The following LRRC7 variants were observed in gnomAD, a reference collection of about 807,000 sequenced individuals.
LRRC7 encodes leucine-rich repeat-containing protein 7.
Under a neutral mutation model 175.7 loss-of-function variants are expected in LRRC7, and 23 were observed. That is an observed-to-expected ratio of 0.13 (90% CI 0.09 to 0.19). The LOEUF (loss-of-function observed/expected upper bound fraction) is 0.19, where lower values mean the gene tolerates loss of function less well. LRRC7 is among the 10% of genes least tolerant of loss of function. The pLI is 1.00. For synonymous variants in LRRC7, 685 were observed against 680.9 expected (o/e 1.01, Z -0.09); for missense variants, 1,354 against 1,904.7 (o/e 0.71, Z 5.38).
At position 69,940,674 on chromosome 1, in the gene LRRC7, G is replaced by A. The variant is rs143367044; in HGVS notation, c.711+9104G>A. 8.1e-3 allele frequency among the ~76,000 whole-genome samples: 1,232 copies of A among 152,066 alleles called. 14 individuals are homozygous for A. Among genetic ancestry groups the A allele is most frequent in the African/African-American group, 0.027 (1,128 of 41,488 alleles). On this transcript the variant is annotated intron_variant, in intron 8 of 26. Transcript: ENST00000651989. The stretch of plus-strand genomic sequence containing the variant: ...TTTACAAGGAAAATAAAAGTATTCT[G>A]CAAGCAAGGAGTAAACCCTATATAT...
In LRRC7 at chr1:69,578,128, G is replaced by A. The variant is rs201780537; in HGVS notation, c.2+9487G>A. Among the ~76,000 whole-genome samples the A allele has an allele frequency of 2.7e-3, 412 of 152,122 alleles. 8 individuals are homozygous for A. In the East Asian group the frequency reaches 0.053, roughly 20 times the overall value. ...CAAACAACCCCATCAAAAAGGGGGC[G>A]AAGGACATGAACAGACACTTCTCAA... On this transcript the variant is annotated intron_variant, in intron 1 of 26. Coordinates refer to ENST00000651989, the MANE Select transcript of LRRC7 (RefSeq NM_001370785.2).
intron 16 of LRRC7, among the ~76,000 whole-genome samples, chr1:70,022,788 G>C (rs1334847186): frequency 6.6e-6 from 1 of 152,044 alleles, no homozygotes; most frequent in Non-Finnish European, 1.5e-5. Flanking sequence ...TTCATTACAT[G>C]TACATTAAAT....
intron 7 of LRRC7, among the ~76,000 whole-genome samples, chr1:69,875,580 A>T (rs1281131975): frequency 6.6e-6 from 1 of 152,046 alleles, no homozygotes; most frequent in Non-Finnish European, 1.5e-5. Context: ...ATCATAAGTG[A>T]TTGTAAATTC....
intron 3 of LRRC7, among the ~76,000 whole-genome samples, chr1:69,773,447 C>T (rs777947851): frequency 1.1e-4 from 16 of 151,928 alleles, no homozygotes; most frequent in Non-Finnish European, 2.2e-4. Context: ...GCTGAAAGGA[C>T]GGGAAGTGAC....
At position 69,838,135 on chromosome 1, in the gene LRRC7, G is replaced by A. The variant is rs1681324464; in HGVS notation, c.591-92G>A. 2.5e-5 allele frequency: 19 copies of A among 745,106 alleles called. No homozygotes were observed. In the East Asian group the frequency reaches 2.7e-4, roughly 11 times the overall value. 46.2% of individuals were successfully genotyped at this position (745,106 alleles called of 1,614,324 possible). A position where few individuals can be genotyped will look rare whatever the true frequency, so the allele number is the denominator to read the frequency against. On this transcript the variant is annotated intron_variant, in intron 6 of 26. Transcript: ENST00000651989. ...TAAATATACATTATTGTTAACCATA[G>A]TAACCCTATAGTGCTACCAAATACT...
At chr1:69,608,696 A>G (rs879791370) in intron 1 of LRRC7, among the ~76,000 whole-genome samples, 2 of 151,728 alleles carry the variant, frequency 1.3e-5, no homozygotes, top group Non-Finnish European at 2.9e-5. Flanking sequence ...TGATTGACAT[A>G]CAGAAGTGGA....
intron 3 of LRRC7, among the ~76,000 whole-genome samples, chr1:69,771,845 G>C (rs1483836967): frequency 6.6e-6 from 1 of 152,150 alleles, no homozygotes; most frequent in Non-Finnish European, 1.5e-5. Context: ...AGGGGTCCAG[G>C]CACGGTGGCT....
intron 2 of LRRC7, among the ~76,000 whole-genome samples, chr1:69,681,300 A>G (rs1029898199): frequency 2.6e-4 from 39 of 152,186 alleles, no homozygotes; most frequent in African/African-American, 9.4e-4. Context: ...GTCAAATCAT[A>G]GTAGCTTTTC....
Position 70,043,978 on chromosome 1 carries a change from G to GT in LRRC7, c.3996dup (p.Asn1333Ter). 6.2e-7 allele frequency: 1 copy of GT among 1,612,854 alleles called. No homozygotes were observed. Among genetic ancestry groups the GT allele is most frequent in the Non-Finnish European group, 8.5e-7 (1 of 1,179,152 alleles). On this transcript the variant is annotated frameshift_variant, in exon 22 of 27. Transcript: ENST00000651989. LOFTEE classifies it high-confidence loss of function. ...GAATGCTGCTTACAAACACAATACA[G>GT]TTAACCTTGGCATGCTGCCCTATGG... is the stretch of plus-strand genomic sequence containing the variant.
intron 8 of LRRC7, among the ~76,000 whole-genome samples, chr1:69,950,860 A>T (rs972711524): frequency 2.0e-5 from 3 of 152,104 alleles, no homozygotes; most frequent in Non-Finnish European, 4.4e-5. Context: ...TGTAATCTGG[A>T]TGCTTTGGGC....
chr1:69,938,919 T>A (rs1648331805), intron 8 of LRRC7, among the ~76,000 whole-genome samples: 1 of 149,748 alleles, frequency 6.7e-6, no homozygotes, highest in African/African-American at 2.5e-5. Flanking sequence ...GGCCACCCAA[T>A]TTTAAGGAAA....
At chr1:69,904,851 C>T (rs771431624) in intron 7 of LRRC7, among the ~76,000 whole-genome samples, 6 of 152,022 alleles carry the variant, frequency 3.9e-5, no homozygotes, top group Admixed American at 2.6e-4. Context: ...TAGGCCCTGG[C>T]GTCTGTTTCC....
chr1:69,718,172 G>GAAAGAAAGAAAGAAAGAAAGAAAGAAGAA, intron 2 of LRRC7, among the ~76,000 whole-genome samples: 1 of 143,004 alleles, frequency 7.0e-6, no homozygotes, highest in African/African-American at 2.6e-5. Flanking sequence ...AAGAAAGAAA[G>GAAAGAAAGAAAGAAAGAAAGAAAGAAGAA]AAGAAAAGAA....
chr1:69,741,519 G>A (rs967301522), intron 2 of LRRC7, among the ~76,000 whole-genome samples: 1 of 151,980 alleles, frequency 6.6e-6, no homozygotes, highest in African/African-American at 2.4e-5. Context: ...CTAGAGGCCA[G>A]ACCACCAAAT....
At chr1:69,947,690 C>T (rs1649483988) in intron 8 of LRRC7, among the ~76,000 whole-genome samples, 1 of 151,988 alleles carries the variant, frequency 6.6e-6, no homozygotes, top group Non-Finnish European at 1.5e-5. Flanking sequence ...TGCACTACTA[C>T]AATATTCCCC....
At chr1:69,730,499 T>G (rs1356589831) in intron 2 of LRRC7, among the ~76,000 whole-genome samples, 2 of 152,146 alleles carry the variant, frequency 1.3e-5, no homozygotes, top group African/African-American at 4.8e-5. Context: ...AGAGTGACTT[T>G]TACTCCAGTT....
At chr1:69,754,425 A>T (rs979657480) in intron 2 of LRRC7, among the ~76,000 whole-genome samples, 1 of 152,026 alleles carries the variant, frequency 6.6e-6, no homozygotes, top group African/African-American at 2.4e-5. Flanking sequence ...AAGTGAGAGA[A>T]TTGGAGGAAT....
chr1:69,823,092 T>A (rs2101223632), intron 4 of LRRC7, among the ~76,000 whole-genome samples: 1 of 152,322 alleles, frequency 6.6e-6, no homozygotes, highest in African/African-American at 2.4e-5. Context: ...TAGATTTTGA[T>A]CCTTTGTGTG....
intron 2 of LRRC7, among the ~76,000 whole-genome samples, chr1:69,710,278 C>CAA (rs77553066): frequency 0.25 from 21,775 of 86,832 alleles, 2,882 homozygotes; most frequent in African/African-American, 0.3. Flanking sequence ...GACTCCGTCT[C>CAA]AAAAAAAAAA....
Sources: gnomAD v4.1 joint callset for allele counts (sites outside exome capture counted in the v4.1 genomes callset) on GRCh38, gnomAD v4.1.1 for gene constraint, MANE v1.5 for transcripts, NCBI Gene and HGNC (gene_info 2026-07-23, HGNC 2026-07-21) for gene names.